The following SND1 variants were observed in gnomAD, a reference collection of about 807,000 sequenced individuals.
SND1 encodes the protein staphylococcal nuclease domain-containing protein 1.
SND1 carries 38 observed loss-of-function variants against 121.7 expected under a neutral mutation model. The observed-to-expected ratio is 0.31, with a 90% CI of 0.24 to 0.41. The LOEUF is 0.41. Among genes scored for constraint, SND1 ranks in the 10% least tolerant of loss-of-function variants. SND1 has a pLI of 1.00. For synonymous variants in SND1, 401 were observed against 447.4 expected, an observed-to-expected ratio of 0.90 and a Z score of 1.31; for missense variants, 868 against 1,184.6, an observed-to-expected ratio of 0.73 and a Z score of 3.92.
intron 11 of SND1, among the ~76,000 whole-genome samples, chr7:127,840,227 C>T (rs1376671750): frequency 6.6e-6 from 1 of 152,174 alleles, no homozygotes; most frequent in African/African-American, 2.4e-5. Context: ...TACCCCATGT[C>T]TGACTAAATT....
At chr7:127,772,724 G>A (rs1797537427) in intron 10 of SND1, among the ~76,000 whole-genome samples, 1 of 151,904 alleles carries the variant, frequency 6.6e-6, no homozygotes, top group East Asian at 1.9e-4. Context: ...TTACCAAGGA[G>A]TATTCTAAAC....
chr7:127,808,319 C>T (rs1257542951), intron 11 of SND1, among the ~76,000 whole-genome samples: 11 of 152,050 alleles, frequency 7.2e-5, no homozygotes, highest in African/African-American at 2.4e-4. Context: ...TGCACCACCA[C>T]GCCTGGCTAA....
intron 12 of SND1, among the ~76,000 whole-genome samples, chr7:127,882,631 G>A (rs946824435): frequency 6.6e-6 from 1 of 151,374 alleles, no homozygotes; most frequent in South Asian, 2.1e-4. Flanking sequence ...ATGAAAGGGA[G>A]GGAGAGAAAG....
At chr7:128,017,691 A>AG (rs911439947) in intron 16 of SND1, among the ~76,000 whole-genome samples, 3 of 152,104 alleles carry the variant, frequency 2.0e-5, no homozygotes, top group African/African-American at 2.4e-5. Flanking sequence ...CCACTCGGGG[A>AG]GGGGGGGCAA....
intron 9 of SND1, among the ~76,000 whole-genome samples, chr7:127,719,976 T>TC (rs1331069828): frequency 6.6e-6 from 1 of 152,228 alleles, no homozygotes; most frequent in Non-Finnish European, 1.5e-5. Flanking sequence ...CTTAAGGCAT[T>TC]CCTTACTCTT....
At chr7:128,032,390 G>A (rs1792652590) in intron 16 of SND1, among the ~76,000 whole-genome samples, 1 of 151,392 alleles carries the variant, frequency 6.6e-6, no homozygotes, top group Non-Finnish European at 1.5e-5. Context: ...GAGCGGGCGA[G>A]CGAGCCGGAG....
At chr7:127,940,828 A>G (rs1584682115) in intron 15 of SND1, among the ~76,000 whole-genome samples, 1 of 152,242 alleles carries the variant, frequency 6.6e-6, no homozygotes, top group African/African-American at 2.4e-5. Flanking sequence ...CATGGGAATT[A>G]GAAGACACTT....
intron 12 of SND1, among the ~76,000 whole-genome samples, chr7:127,845,291 C>T (rs1285193394): frequency 6.6e-6 from 1 of 152,228 alleles, no homozygotes; most frequent in Non-Finnish European, 1.5e-5. Flanking sequence ...AGTCTCCTAA[C>T]AGGAGCCTCT....
chr7:127,765,280 A>G (rs6963455), intron 10 of SND1, among the ~76,000 whole-genome samples: 50,185 of 151,978 alleles, frequency 0.33, 9,147 homozygotes, highest in Admixed American at 0.42. Flanking sequence ...ACCATTGAGC[A>G]TTTCTGATTT....
intron 10 of SND1, among the ~76,000 whole-genome samples, chr7:127,802,045 C>T (rs768928182): frequency 4.6e-5 from 7 of 152,088 alleles, no homozygotes; most frequent in Non-Finnish European, 7.4e-5. Flanking sequence ...TGGGGTTTCA[C>T]TGTGTTAGCC....
intron 2 of SND1, among the ~76,000 whole-genome samples, chr7:127,689,583 G>C (rs1795876225): frequency 6.6e-6 from 1 of 152,170 alleles, no homozygotes; most frequent in African/African-American, 2.4e-5. Flanking sequence ...AATCTTACCA[G>C]AACTATCCTA....
chr7:127,663,956 G>A (rs1184370484), intron 1 of SND1, among the ~76,000 whole-genome samples: 1 of 152,170 alleles, frequency 6.6e-6, no homozygotes, highest in East Asian at 1.9e-4. Flanking sequence ...AAGGTGGTGT[G>A]TGATATTGTG....
rs1793786120 is a variant in SND1, at chr7:128,091,825, T to C, written c.2623-12T>C. The C allele has an allele frequency of 1.2e-6, 2 of 1,614,094 alleles. No homozygotes were observed. The highest frequency in any genetic ancestry group is 2.7e-5 in the African/African-American group (2 of 75,034). ...AACTCTGACCACTCCCTTTCTTCTC[T>C]CGTCCCTCCAGATCACAGAATACCT... On this transcript the variant is annotated splice_polypyrimidine_tract_variant and intron_variant, in intron 22 of 23. Coordinates refer to ENST00000354725, the MANE Select transcript of SND1 (RefSeq NM_014390.4).
intron 16 of SND1, among the ~76,000 whole-genome samples, chr7:128,004,314 G>A (rs979461498): frequency 1.3e-5 from 2 of 152,092 alleles, no homozygotes; most frequent in Non-Finnish European, 2.9e-5. Flanking sequence ...ACTCAGGTGT[G>A]GTGGGGAGGT....
At chr7:127,834,660 T>A (rs1168647114) in intron 11 of SND1, among the ~76,000 whole-genome samples, 1 of 152,352 alleles carries the variant, frequency 6.6e-6, no homozygotes, top group East Asian at 1.9e-4. Context: ...CCTGATTTTC[T>A]TGGAATGTTT....
In SND1 at chr7:127,907,430, A is replaced by C. The variant is rs1800363171; in HGVS notation, c.1527+2611A>C. Among the ~76,000 whole-genome samples, 4 of 152,222 alleles carry C rather than the reference A, an allele frequency of 2.6e-5. 1 individual carries two copies. The South Asian group carries it at 8.3e-4, about 32-fold the overall frequency. ...AACAGGGAAAAAGACAATGTAATGC[A>C]CATATACGTAATGGTTTCACAGAGG... On this transcript the variant is annotated intron_variant, in intron 14 of 23. Transcript: ENST00000354725.
intron 13 of SND1, among the ~76,000 whole-genome samples, chr7:127,893,477 G>A (rs1042219077): frequency 6.6e-6 from 1 of 152,106 alleles, no homozygotes; most frequent in African/African-American, 2.4e-5. Context: ...TTCAGAAGTT[G>A]GGGCTTTATT....
At chr7:127,755,075 A>G (rs571836787) in intron 10 of SND1, among the ~76,000 whole-genome samples, 1 of 152,214 alleles carries the variant, frequency 6.6e-6, no homozygotes, top group African/African-American at 2.4e-5. Context: ...CATTTGGCAT[A>G]TGATCTTCCA....
chr7:127,681,231 G>A (rs1472155351), intron 1 of SND1, among the ~76,000 whole-genome samples: 1 of 152,130 alleles, frequency 6.6e-6, no homozygotes, highest in Non-Finnish European at 1.5e-5. Context: ...GCTTTGATTT[G>A]CATTTGTCTG....
Sources: allele counts gnomAD v4.1 joint callset (sites outside exome capture counted in the v4.1 genomes callset), GRCh38; gene constraint gnomAD v4.1.1; transcripts MANE v1.5; gene names NCBI Gene and HGNC (gene_info 2026-07-23, HGNC 2026-07-21).